Variants in GALNTL6 observed in about 807,000 individuals in gnomAD.
GALNTL6 encodes the protein polypeptide N-acetylgalactosaminyltransferase-like 6.
A neutral mutation model predicts 73.7 loss-of-function variants in GALNTL6; 46 were observed. The observed-to-expected ratio is 0.62, with a 90% CI of 0.49 to 0.80. GALNTL6 has a LOEUF of 0.80. Among genes scored for constraint, GALNTL6 ranks in the 30% least tolerant of loss-of-function variants. The pLI is 0.00. For missense variants in GALNTL6, 604 were observed against 755.0 expected (o/e 0.80, Z 2.34); for synonymous variants, 259 against 263.7 (o/e 0.98, Z 0.17).
chr4:173,016,533 C>A (rs1752789498), intron 11 of GALNTL6, among the ~76,000 whole-genome samples: 1 of 152,188 alleles, frequency 6.6e-6, no homozygotes, highest in Admixed American at 6.5e-5. Flanking sequence ...TTAATGACTG[C>A]CCCACTGGAT....
intron 4 of GALNTL6, among the ~76,000 whole-genome samples, chr4:172,337,602 T>G (rs550559847): frequency 1.3e-5 from 2 of 152,266 alleles, no homozygotes; most frequent in South Asian, 4.1e-4. Context: ...CTCTTCTGAC[T>G]TACAAGGTTT....
intron 5 of GALNTL6, among the ~76,000 whole-genome samples, chr4:172,381,401 C>T (rs1019296960): frequency 1.3e-5 from 2 of 152,072 alleles, no homozygotes; most frequent in African/African-American, 4.8e-5. Context: ...AAAAGGAACC[C>T]CACACCCAAG....
chr4:172,820,589 C>T (rs1215380281), intron 7 of GALNTL6, among the ~76,000 whole-genome samples: 3 of 152,078 alleles, frequency 2.0e-5, no homozygotes, highest in African/African-American at 7.2e-5. Context: ...TCCACTTTCA[C>T]CTCTAAGTTT....
intron 2 of GALNTL6, among the ~76,000 whole-genome samples, chr4:172,191,012 A>G (rs1034164473): frequency 2.6e-5 from 4 of 152,190 alleles, no homozygotes; most frequent in Non-Finnish European, 5.9e-5. Context: ...GATTTCACTT[A>G]CCTGGTGGCT....
chr4:172,399,511 G>A (rs939862043), intron 5 of GALNTL6, among the ~76,000 whole-genome samples: 1 of 151,884 alleles, frequency 6.6e-6, no homozygotes, highest in African/African-American at 2.4e-5. Flanking sequence ...CCACTGAGTA[G>A]TATAGATTCA....
At chr4:172,374,509 G>T (rs1039699337) in intron 5 of GALNTL6, among the ~76,000 whole-genome samples, 1 of 137,548 alleles carries the variant, frequency 7.3e-6, no homozygotes, top group Non-Finnish European at 1.6e-5. Flanking sequence ...ATAGCTGCTC[G>T]AGGAAAGCAG....
At chr4:172,417,970 T>C (rs748403138) in intron 5 of GALNTL6, among the ~76,000 whole-genome samples, 12 of 152,190 alleles carry the variant, frequency 7.9e-5, no homozygotes, top group African/African-American at 2.9e-4. Flanking sequence ...TGCCACTTTA[T>C]AATACCTCTA....
At chr4:172,905,372 T>C (rs1253482329) in intron 8 of GALNTL6, among the ~76,000 whole-genome samples, 7 of 152,200 alleles carry the variant, frequency 4.6e-5, no homozygotes, top group African/African-American at 1.7e-4. Context: ...TGACCTTTAT[T>C]AAGAGAAGAC....
At chr4:172,890,669 G>A (rs1026303686) in intron 8 of GALNTL6, among the ~76,000 whole-genome samples, 2 of 152,136 alleles carry the variant, frequency 1.3e-5, no homozygotes, top group African/African-American at 4.8e-5. Flanking sequence ...TATATTCTGT[G>A]GCTGTTAAGT....
At chr4:172,773,728 A>T (rs1457117733) in intron 5 of GALNTL6, among the ~76,000 whole-genome samples, 2 of 152,228 alleles carry the variant, frequency 1.3e-5, no homozygotes, top group Non-Finnish European at 2.9e-5. Flanking sequence ...AACTGGGTTC[A>T]AAGAAATAGT....
At chr4:172,410,159 ATTT>A (rs1744379423) in intron 5 of GALNTL6, among the ~76,000 whole-genome samples, 1 of 151,968 alleles carries the variant, frequency 6.6e-6, no homozygotes, top group Admixed American at 6.6e-5. Flanking sequence ...ATATCCTGGT[ATTT>A]TTATTTAATG....
chr4:172,028,265 T>C (rs1741652914), intron 2 of GALNTL6, among the ~76,000 whole-genome samples: 1 of 151,752 alleles, frequency 6.6e-6, no homozygotes, highest in South Asian at 2.1e-4. Context: ...TGAATTGCAA[T>C]TTATTGTGGT....
intron 2 of GALNTL6, among the ~76,000 whole-genome samples, chr4:172,099,074 G>A (rs1732439136): frequency 6.6e-6 from 1 of 152,100 alleles, no homozygotes; most frequent in Admixed American, 6.6e-5. Flanking sequence ...ACAGTAGAAG[G>A]AATATCAAGA....
At chr4:172,619,002 A>G (rs1738851464) in intron 5 of GALNTL6, among the ~76,000 whole-genome samples, 1 of 152,202 alleles carries the variant, frequency 6.6e-6, no homozygotes, top group Non-Finnish European at 1.5e-5. Context: ...GATTACAGGC[A>G]TGAGCCACAG....
chr4:172,092,051 T>C (rs115046484), intron 2 of GALNTL6, among the ~76,000 whole-genome samples: 282 of 152,298 alleles, frequency 1.9e-3, no homozygotes, highest in African/African-American at 6.5e-3. Context: ...AACCTGTATT[T>C]CTGTATTTGT....
At chr4:171,957,654 CTTTAA>C (rs1278178236) in intron 2 of GALNTL6, among the ~76,000 whole-genome samples, 2 of 152,188 alleles carry the variant, frequency 1.3e-5, no homozygotes. Flanking sequence ...AATTCTAACT[CTTTAA>C]TTTATCTTAA....
intron 2 of GALNTL6, among the ~76,000 whole-genome samples, chr4:171,960,004 T>C (rs1739174784): frequency 6.6e-6 from 1 of 152,204 alleles, no homozygotes; most frequent in Non-Finnish European, 1.5e-5. Flanking sequence ...CTGAACAATT[T>C]AGTTGTCTAA....
At chr4:172,431,940 C>A (rs1313285786) in intron 5 of GALNTL6, among the ~76,000 whole-genome samples, 3 of 152,082 alleles carry the variant, frequency 2.0e-5, no homozygotes, top group Non-Finnish European at 2.9e-5. Context: ...TCATAATTCT[C>A]TCCTGGCATG....
At chr4:172,998,901 A>G (rs1179249228) in intron 10 of GALNTL6, among the ~76,000 whole-genome samples, 1 of 152,006 alleles carries the variant, frequency 6.6e-6, no homozygotes, top group Non-Finnish European at 1.5e-5. Context: ...CTATTATTTC[A>G]ATTCTTACTC....
Sources: gnomAD v4.1 joint callset for allele counts (sites outside exome capture counted in the v4.1 genomes callset) on GRCh38, gnomAD v4.1.1 for gene constraint, MANE v1.5 for transcripts, NCBI Gene and HGNC (gene_info 2026-07-23, HGNC 2026-07-21) for gene names.